Variants in RBFOX1 observed in about 807,000 individuals in gnomAD.
The protein encoded by RBFOX1 is RNA binding protein fox-1 homolog 1.
In RBFOX1, 8 loss-of-function variants were observed where a neutral mutation model predicts 57.7. The observed-to-expected ratio is 0.14, with a 90% CI of 0.08 to 0.25. The LOEUF (loss-of-function observed/expected upper bound fraction) is 0.25, where lower values mean the gene tolerates loss of function less well. Ranked by LOEUF, RBFOX1 falls within the 10% of genes least tolerant of loss-of-function variation. The pLI is 1.00. For missense variants in RBFOX1, 611 were observed against 548.5 expected, an observed-to-expected ratio of 1.11 and a Z score of -1.14; for synonymous variants, 326 against 222.4, an observed-to-expected ratio of 1.47 and a Z score of -4.15.
chr16:7,142,458 T>C (rs1371456791), intron 4 of RBFOX1, among the ~76,000 whole-genome samples: 1 of 152,148 alleles, frequency 6.6e-6, no homozygotes, highest in Non-Finnish European at 1.5e-5. Context: ...GACTCTGGCT[T>C]CCTGAGAGTC....
intron 3 of RBFOX1, among the ~76,000 whole-genome samples, chr16:5,759,776 C>T (rs914577824): frequency 2.1e-5 from 3 of 143,882 alleles, no homozygotes; most frequent in East Asian, 4.5e-4. Flanking sequence ...GATCCTGTAA[C>T]AGTATTCCTC....
At chr16:7,409,644 T>G (rs1291700111) in intron 4 of RBFOX1, among the ~76,000 whole-genome samples, 1 of 152,228 alleles carries the variant, frequency 6.6e-6, no homozygotes, top group Non-Finnish European at 1.5e-5. Flanking sequence ...TACCATCAGA[T>G]GTAATCCAAT....
intron 1 of RBFOX1, among the ~76,000 whole-genome samples, chr16:6,045,424 G>T (rs967419886): frequency 4.6e-5 from 7 of 152,202 alleles, no homozygotes; most frequent in African/African-American, 1.7e-4. Context: ...TACAGACTCA[G>T]TGGGGTCTTG....
chr16:7,320,453 C>A (rs1377187008), intron 4 of RBFOX1, among the ~76,000 whole-genome samples: 2 of 152,102 alleles, frequency 1.3e-5, no homozygotes, highest in African/African-American at 4.8e-5. Context: ...GGGTATGTAC[C>A]ACATTTTCTT....
At chr16:6,335,361 C>T (rs761534562) in intron 2 of RBFOX1, among the ~76,000 whole-genome samples, 4 of 152,068 alleles carry the variant, frequency 2.6e-5, no homozygotes, top group South Asian at 2.1e-4. Flanking sequence ...TAAACAAATA[C>T]GTCCTCAGAG....
intron 3 of RBFOX1, among the ~76,000 whole-genome samples, chr16:6,884,374 T>C (rs1667449422): frequency 6.6e-6 from 1 of 152,172 alleles, no homozygotes; most frequent in African/African-American, 2.4e-5. Flanking sequence ...ACAGTTGCTC[T>C]GCCCTCAGTC....
intron 3 of RBFOX1, among the ~76,000 whole-genome samples, chr16:6,864,016 G>C (rs1399113797): frequency 3.3e-5 from 4 of 122,146 alleles, no homozygotes; most frequent in South Asian, 5.0e-4. Context: ...TTGAGATTAT[G>C]CCTTGCAAAA....
intron 1 of RBFOX1, among the ~76,000 whole-genome samples, chr16:6,176,313 A>ACTTTT (rs2097008146): frequency 1.0e-5 from 1 of 95,256 alleles, no homozygotes; most frequent in Non-Finnish European, 1.9e-5. Context: ...GCCTGACCAA[A>ACTTTT]TTTTTTTTTT....
In RBFOX1 at chr16:6,671,476, C is replaced by T. The variant is rs1005838440; in HGVS notation, c.-16+16826C>T. Among the ~76,000 whole-genome samples the T allele has an allele frequency of 5.3e-5, 8 of 152,158 alleles. No homozygotes were observed. The East Asian group carries it at 7.7e-4, about 15-fold the overall frequency. Reference sequence around the variant, plus strand: ...GATATTTGAACATTAGAAAGTAAGACATAATAGAAGAATAGGGAAGTCTGT... The same window carrying T: ...GATATTTGAACATTAGAAAGTAAGATATAATAGAAGAATAGGGAAGTCTGT... On this transcript the variant is annotated intron_variant, in intron 3 of 15. Transcript: ENST00000550418.
chr16:7,358,845 C>G (rs746458407), intron 4 of RBFOX1, among the ~76,000 whole-genome samples: 10 of 152,198 alleles, frequency 6.6e-5, no homozygotes, highest in Non-Finnish European at 1.2e-4. Context: ...GACTTATCTA[C>G]ATAATACGAG....
At chr16:5,442,706 C>T (rs536129509) in intron 1 of RBFOX1, among the ~76,000 whole-genome samples, 9 of 152,248 alleles carry the variant, frequency 5.9e-5, no homozygotes, top group Non-Finnish European at 1.0e-4. Context: ...CATCACCTGG[C>T]CACACACCTA....
intron 3 of RBFOX1, among the ~76,000 whole-genome samples, chr16:6,999,752 T>G (rs1181720920): frequency 6.6e-6 from 1 of 152,092 alleles, no homozygotes; most frequent in Non-Finnish European, 1.5e-5. Context: ...AAGAACTGTA[T>G]TGTCATTAAT....
At chr16:6,837,430 C>T (rs1284716141) in intron 3 of RBFOX1, among the ~76,000 whole-genome samples, 1 of 152,200 alleles carries the variant, frequency 6.6e-6, no homozygotes, top group Non-Finnish European at 1.5e-5. Context: ...ATCACCCAGC[C>T]TCACCCAACA....
chr16:6,524,322 A>G (rs1182153100), intron 2 of RBFOX1, among the ~76,000 whole-genome samples: 1 of 152,208 alleles, frequency 6.6e-6, no homozygotes, highest in African/African-American at 2.4e-5. Context: ...AAATGACTGT[A>G]TCTCGTTCCT....
At chr16:5,782,848 G>A (rs1387251371) in intron 3 of RBFOX1, among the ~76,000 whole-genome samples, 2 of 152,182 alleles carry the variant, frequency 1.3e-5, no homozygotes, top group Non-Finnish European at 2.9e-5. Context: ...GGTATGAGAA[G>A]ATGAACTGAG....
At chr16:7,464,421 G>A (rs1001917989) in intron 4 of RBFOX1, among the ~76,000 whole-genome samples, 5 of 151,974 alleles carry the variant, frequency 3.3e-5, no homozygotes, top group Admixed American at 6.6e-5. Context: ...TCGGCCACTG[G>A]AGGATGGTGG....
chr16:6,821,943 A>G (rs1331242264), intron 3 of RBFOX1, among the ~76,000 whole-genome samples: 1 of 152,130 alleles, frequency 6.6e-6, no homozygotes, highest in African/African-American at 2.4e-5. Context: ...TCACAGCTCT[A>G]GTTTCTGATG....
chr16:7,034,987 A>G (rs749656376), intron 3 of RBFOX1, among the ~76,000 whole-genome samples: 4 of 150,006 alleles, frequency 2.7e-5, no homozygotes, highest in Non-Finnish European at 5.9e-5. Context: ...AGCTGGGCCT[A>G]CAGGTGCCCA....
intron 2 of RBFOX1, among the ~76,000 whole-genome samples, chr16:6,490,667 C>A (rs1293110628): frequency 6.6e-6 from 1 of 152,110 alleles, no homozygotes; most frequent in Non-Finnish European, 1.5e-5. Context: ...GAAAGGGTCA[C>A]CCATGAACAG....
Sources: gnomAD v4.1 joint callset for allele counts (sites outside exome capture counted in the v4.1 genomes callset) on GRCh38, gnomAD v4.1.1 for gene constraint, MANE v1.5 for transcripts, NCBI Gene and HGNC (gene_info 2026-07-23, HGNC 2026-07-21) for gene names.